The following TEX101 variants were observed in gnomAD, a reference collection of about 807,000 sequenced individuals.
The protein encoded by TEX101 is testis-expressed protein 101.
TEX101 carries 10 observed loss-of-function variants against 18.1 expected under a neutral mutation model. The observed-to-expected ratio is 0.55, with a 90% CI of 0.34 to 0.94. TEX101 has a LOEUF of 0.94. TEX101 is among the 40% of genes least tolerant of loss of function. The probability of loss-of-function intolerance (pLI) is 0.02; values close to 1 mark genes in which losing one functional copy is unlikely to be tolerated. For synonymous variants in TEX101, 94 were observed against 114.8 expected, an observed-to-expected ratio of 0.82 and a Z score of 1.16; for missense variants, 259 against 298.9, an observed-to-expected ratio of 0.87 and a Z score of 0.98.
exon 3 of TEX101, chr19:43,406,369 C>A: frequency 1.5e-6 from 1 of 672,108 alleles, no homozygotes; most frequent in Non-Finnish European, 2.7e-6. Context: ...TACATAGCAT[C>A]CAGCGACACC....
chr19:43,417,765 G>A (rs1970495377), intron 4 of TEX101, 113 bp from the exon 5 acceptor site: 11 of 1,356,632 alleles, frequency 8.1e-6, no homozygotes, highest in South Asian at 6.5e-5. Context: ...CTGAAGTAAT[G>A]GGCCTTGATT....
the TEX101 span, among the ~76,000 whole-genome samples, chr19:43,391,838 C>G: frequency 2.0e-5 from 3 of 152,328 alleles, no homozygotes; most frequent in South Asian, 6.2e-4. Context: ...CAGAAGTACA[C>G]TGGTTAGTCA....
At chr19:43,394,472 CTT>C in the TEX101 span, among the ~76,000 whole-genome samples, 70 of 140,058 alleles carry the variant, frequency 5.0e-4, no homozygotes, top group Middle Eastern at 3.6e-3. Context: ...GCCTGACTTA[CTT>C]TTTTTTTTTT....
rs1411646630 is a variant in TEX101, at chr19:43,418,492, T to G, written c.*95T>G. 2 of 987,102 alleles carry G rather than the reference T, an allele frequency of 2.0e-6. No homozygotes were observed. Among genetic ancestry groups the G allele is most frequent in the African/African-American group, 3.2e-5 (2 of 61,778 alleles). The allele number at this position is 987,102 out of a possible 1,614,324, so 61.1% of individuals were successfully genotyped here. A position where few individuals can be genotyped will look rare whatever the true frequency, so the allele number is the denominator to read the frequency against. ...ACAAGCTGAGGAGTAGATGGGAATT[T>G]GAGGGAGAATACAGAGATACTATGA... On this transcript the variant is annotated 3_prime_UTR_variant, in exon 6 of 6. Transcript: ENST00000598265.
intron 2 of TEX101, among the ~76,000 whole-genome samples, chr19:43,405,334 C>T (rs1315075572): frequency 6.6e-6 from 1 of 151,742 alleles, no homozygotes; most frequent in Non-Finnish European, 1.5e-5. Flanking sequence ...TTTGGGGGGC[C>T]GAGGTGGGTG....
At chr19:43,392,945 T>C in the TEX101 span, among the ~76,000 whole-genome samples, 16 of 152,006 alleles carry the variant, frequency 1.1e-4, no homozygotes, top group East Asian at 9.7e-4. Context: ...GTAATCCCAG[T>C]TACTCAGGAG....
the TEX101 span, among the ~76,000 whole-genome samples, chr19:43,390,747 A>G: frequency 1.3e-5 from 2 of 151,742 alleles, no homozygotes; most frequent in African/African-American, 4.8e-5. Context: ...GATTAGACGT[A>G]AGCCACCTCG....
chr19:43,405,549 C>CAAAAA (rs1163062557), intron 2 of TEX101, among the ~76,000 whole-genome samples: 2 of 38,502 alleles, frequency 5.2e-5, no homozygotes, highest in African/African-American at 9.3e-5. Context: ...AACTCTGTCT[C>CAAAAA]AAAAAAAAAA....
At chr19:43,411,975 G>T (rs1208333006), upstream of TEX101, among the ~76,000 whole-genome samples, 1 of 152,152 alleles carries the variant, frequency 6.6e-6, no homozygotes, top group East Asian at 1.9e-4. Context: ...TCATTTTCTA[G>T]ATGAGGACAC....
At chr19:43,406,432 C>G in exon 3 of TEX101, 1 of 754,608 alleles carries the variant, frequency 1.3e-6, no homozygotes, top group Non-Finnish European at 2.5e-6. Flanking sequence ...ACCCTCTGAG[C>G]CTGATTGAAA....
upstream of TEX101, among the ~76,000 whole-genome samples, chr19:43,397,253 G>C (rs1970275517): frequency 6.6e-6 from 1 of 152,148 alleles, no homozygotes; most frequent in African/African-American, 2.4e-5. Flanking sequence ...TGAAGGGTCT[G>C]CTTTCTAGAA....
chr19:43,413,713 G>A (rs1970440286), upstream of TEX101, among the ~76,000 whole-genome samples: 1 of 152,126 alleles, frequency 6.6e-6, no homozygotes, highest in South Asian at 2.1e-4. Flanking sequence ...AGTACTCTGG[G>A]AGGCCGAGGT....
chr19:43,413,569 C>T (rs1970438682), upstream of TEX101, among the ~76,000 whole-genome samples: 1 of 151,958 alleles, frequency 6.6e-6, no homozygotes, highest in South Asian at 2.1e-4. Flanking sequence ...TGCTGAGGCT[C>T]CCGGCCAAAT....
intron 2 of TEX101, among the ~76,000 whole-genome samples, chr19:43,405,941 A>G (rs1970357167): frequency 1.3e-5 from 2 of 152,176 alleles, no homozygotes; most frequent in African/African-American, 2.4e-5. Flanking sequence ...ATAAAATGGA[A>G]GGATACACAA....
chr19:43,407,792 G>C (rs1469225898), intron 3 of TEX101, among the ~76,000 whole-genome samples: 1 of 152,212 alleles, frequency 6.6e-6, no homozygotes, highest in Non-Finnish European at 1.5e-5. Context: ...CCAACAGGAC[G>C]CAGTGCAGCA....
At chr19:43,393,780 C>T in the TEX101 span, among the ~76,000 whole-genome samples, 2 of 150,744 alleles carry the variant, frequency 1.3e-5, no homozygotes, top group African/African-American at 4.9e-5. Flanking sequence ...AGAGAGGAAG[C>T]TCTGCTGGTA....
chr19:43,412,872 A>G (rs746096287), upstream of TEX101, among the ~76,000 whole-genome samples: 2 of 152,172 alleles, frequency 1.3e-5, no homozygotes, highest in Non-Finnish European at 2.9e-5. Flanking sequence ...GAAGGAGACC[A>G]CTACTACTCC....
intron 1 of TEX101, among the ~76,000 whole-genome samples, chr19:43,415,521 G>T (rs188092066): frequency 2.1e-4 from 32 of 152,212 alleles, no homozygotes; most frequent in Admixed American, 1.0e-3. Flanking sequence ...CAGCACTATG[G>T]GGGGACGAGG....
At chr19:43,392,595 C>T in the TEX101 span, among the ~76,000 whole-genome samples, 7 of 151,880 alleles carry the variant, frequency 4.6e-5, no homozygotes, top group African/African-American at 1.7e-4. Flanking sequence ...ATGGAGACAC[C>T]ACGATAGTCA....
Sources: gnomAD v4.1 joint callset for allele counts (sites outside exome capture counted in the v4.1 genomes callset) on GRCh38, gnomAD v4.1.1 for gene constraint, MANE v1.5 for transcripts, NCBI Gene and HGNC (gene_info 2026-07-23, HGNC 2026-07-21) for gene names.